The following ATAD2B variants were observed in gnomAD, a reference collection of about 807,000 sequenced individuals.
The protein encoded by ATAD2B is ATPase family AAA domain containing 2B.
ATAD2B carries 40 observed loss-of-function variants against 167.6 expected under a neutral mutation model. That is an observed-to-expected ratio of 0.24 (90% CI 0.19 to 0.31). ATAD2B has a LOEUF of 0.31. ATAD2B is among the 10% of genes least tolerant of loss of function. ATAD2B has a pLI of 1.00. For missense variants in ATAD2B, 1,242 were observed against 1,757.2 expected (o/e 0.71, Z 5.24); for synonymous variants, 579 against 596.5 (o/e 0.97, Z 0.43).
At chr2:23,680,469 T>A in the ATAD2B span, among the ~76,000 whole-genome samples, 1 of 152,106 alleles carries the variant, frequency 6.6e-6, no homozygotes, top group Non-Finnish European at 1.5e-5. The surrounding 1 kb of genome is among the most constrained non-coding windows in gnomAD (Gnocchi z 4.1). Context: ...TAGGCGGGCA[T>A]CCCGCTCAAA....
chr2:23,872,573 G>T (rs965894386), intron 8 of ATAD2B: 1 of 1,183,402 alleles, frequency 8.5e-7, no homozygotes. Context: ...CTGATCCTCC[G>T]TGAGGTCTGC....
intron 20 of ATAD2B, among the ~76,000 whole-genome samples, chr2:23,786,657 C>T (rs1680869521): frequency 6.6e-6 from 1 of 152,070 alleles, no homozygotes; most frequent in African/African-American, 2.4e-5. Context: ...CAGCGCATGA[C>T]TATATGTGTG....
chr2:23,875,047 T>G (rs890663099), intron 8 of ATAD2B, among the ~76,000 whole-genome samples: 3 of 92,428 alleles, frequency 3.2e-5, no homozygotes, highest in African/African-American at 1.3e-4. Context: ...CAGAGCGAGA[T>G]TCCATCTCAA....
intron 1 of ATAD2B, among the ~76,000 whole-genome samples, chr2:23,904,771 T>G (rs1341012472): frequency 6.6e-6 from 1 of 152,160 alleles, no homozygotes; most frequent in Non-Finnish European, 1.5e-5. Flanking sequence ...TTTTGTATAC[T>G]TTTTTTCTTT....
chr2:23,829,084 C>T lies in ATAD2B; in HGVS notation c.1729-145G>A, dbSNP rs1407013594. 5 of 594,632 alleles carry T rather than the reference C, an allele frequency of 8.4e-6. No individual in the cohort carries two copies. In the East Asian group the frequency reaches 1.4e-4, roughly 17 times the overall value. 36.8% of individuals were successfully genotyped at this position (594,632 alleles called of 1,614,324 possible). ...TTTTATTTTAAAAAAAATTTAAACA[C>T]CTTAGCATCTGTCTACATCAACTCT... On this transcript the variant is annotated intron_variant, in intron 14 of 27. Coordinates refer to ENST00000238789, the MANE Select transcript of ATAD2B (RefSeq NM_017552.4).
the ATAD2B span, chr2:23,688,914 A>G: frequency 5.9e-5 from 9 of 152,330 alleles, no homozygotes; most frequent in African/African-American, 1.9e-4. Flanking sequence ...AGGGTCACCC[A>G]TCACGGGGGT....
intron 17 of ATAD2B, among the ~76,000 whole-genome samples, chr2:23,819,236 G>A (rs1035533830): frequency 9.9e-5 from 15 of 152,058 alleles, no homozygotes; most frequent in African/African-American, 3.1e-4. Flanking sequence ...AGTGGCATAC[G>A]CCTATAATCC....
chr2:23,728,771 T>TA, the ATAD2B span, among the ~76,000 whole-genome samples: 1 of 152,174 alleles, frequency 6.6e-6, no homozygotes, highest in African/African-American at 2.4e-5. Context: ...TTTGGGGAAT[T>TA]AAAAAAATTC....
chr2:23,898,066 T>A (rs1247925194), intron 1 of ATAD2B, among the ~76,000 whole-genome samples: 3 of 152,178 alleles, frequency 2.0e-5, no homozygotes, highest in Admixed American at 2.0e-4. Flanking sequence ...AGCTTCAGCC[T>A]CCCAAGTAGC....
intron 17 of ATAD2B, among the ~76,000 whole-genome samples, chr2:23,818,210 A>AGAGG (rs1182426544): frequency 1.5e-3 from 16 of 11,002 alleles, no homozygotes; most frequent in Non-Finnish European, 2.1e-3. Flanking sequence ...GAAGAGAGGG[A>AGAGG]GAGGGAGGGA....
At chr2:23,915,276 T>C (rs1702872972) in intron 1 of ATAD2B, among the ~76,000 whole-genome samples, 1 of 152,128 alleles carries the variant, frequency 6.6e-6, no homozygotes, top group South Asian at 2.1e-4. Context: ...TATTCTATCA[T>C]CTAAACATGT....
the ATAD2B span, chr2:23,691,889 G>A: frequency 1.3e-6 from 2 of 1,546,798 alleles, no homozygotes; most frequent in Admixed American, 2.0e-5. Context: ...GAGCCCGGGG[G>A]CCACATATGT....
At chr2:23,904,537 C>CTTTTTT (rs34666567) in intron 1 of ATAD2B, among the ~76,000 whole-genome samples, 8 of 137,680 alleles carry the variant, frequency 5.8e-5, no homozygotes, top group African/African-American at 2.2e-4. Flanking sequence ...ATTTTCCTTC[C>CTTTTTT]TTTTTTTTTT....
chr2:23,774,984 CA>C (rs1678867086), intron 22 of ATAD2B, among the ~76,000 whole-genome samples: 1 of 152,118 alleles, frequency 6.6e-6, no homozygotes, highest in African/African-American at 2.4e-5. Flanking sequence ...ATGCTTTACA[CA>C]AGATGCCTAT....
the ATAD2B span, among the ~76,000 whole-genome samples, chr2:23,736,695 G>A: frequency 6.6e-6 from 1 of 152,180 alleles, no homozygotes; most frequent in Non-Finnish European, 1.5e-5. Flanking sequence ...GACAGTAGGT[G>A]CAAGACAGTG....
chr2:23,754,402 C>T lies in ATAD2B; in HGVS notation c.4207-95G>A, dbSNP rs1019426057. The T allele has an allele frequency of 4.7e-5, 62 of 1,308,582 alleles. 1 individual carries two copies. In the South Asian group the frequency reaches 7.7e-4, roughly 16 times the overall value. The allele number at this position is 1,308,582 out of a possible 1,614,324, so 81.1% of individuals were successfully genotyped here. A position where few individuals can be genotyped will look rare whatever the true frequency, so the allele number is the denominator to read the frequency against. On this transcript the variant is annotated intron_variant, in intron 26 of 27. Coordinates refer to ENST00000238789, the MANE Select transcript of ATAD2B (RefSeq NM_017552.4). ...TGGCTAGTCAATAAACACCATAAAG[C>T]GAGGATGTAACAGTGAACATGAAAT...
intron 1 of ATAD2B, among the ~76,000 whole-genome samples, chr2:23,902,478 C>CTA (rs1472825794): frequency 1.3e-5 from 2 of 152,156 alleles, no homozygotes; most frequent in Admixed American, 6.5e-5. Context: ...ACAATTCACC[C>CTA]TTAATAGGAT....
chr2:23,898,120 T>G (rs1277147830), intron 1 of ATAD2B, among the ~76,000 whole-genome samples: 1 of 152,144 alleles, frequency 6.6e-6, no homozygotes, highest in Non-Finnish European at 1.5e-5. Flanking sequence ...AATTTTTTGT[T>G]GTTGTTAAGA....
Position 23,803,336 on chromosome 2 carries a change from A to G in ATAD2B, c.2455-5013T>C, listed in dbSNP as rs901982173. ...TGTACACACACACACACACACACAC[A>G]CACGCGCACGCATTTGTTTCAGTAA... On this transcript the variant is annotated intron_variant, in intron 18 of 27. Transcript: ENST00000238789. Among the ~76,000 whole-genome samples the G allele has an allele frequency of 1.4e-4, 21 of 148,476 alleles. No individual in the cohort carries two copies. The East Asian group carries it at 2.7e-3, about 19-fold the overall frequency.
Sources: allele counts gnomAD v4.1 joint callset (sites outside exome capture counted in the v4.1 genomes callset), GRCh38; gene constraint gnomAD v4.1.1; non-coding constraint Gnocchi (gnomAD v3.1); transcripts MANE v1.5; gene names NCBI Gene and HGNC (gene_info 2026-07-23, HGNC 2026-07-21).